PABPC4L: variants seen among roughly 807,000 people sequenced by gnomAD.
The protein encoded by PABPC4L is poly(A) binding protein cytoplasmic 4 like.
For synonymous variants in PABPC4L, 169 were observed against 164.1 expected (o/e 1.03, Z -0.23); for missense variants, 452 against 451.4 (o/e 1.00, Z -0.01).
the PABPC4L span, among the ~76,000 whole-genome samples, chr4:134,000,397 A>G: frequency 6.6e-6 from 1 of 152,164 alleles, no homozygotes; most frequent in Non-Finnish European, 1.5e-5. Flanking sequence ...GTAATAGGAA[A>G]CAGTTACTGG....
At chr4:134,009,231 G>T in the PABPC4L span, among the ~76,000 whole-genome samples, 2 of 151,646 alleles carry the variant, frequency 1.3e-5, no homozygotes, top group Non-Finnish European at 3.0e-5. Flanking sequence ...AGAAATTCAG[G>T]AGCAACTAAA....
the PABPC4L span, among the ~76,000 whole-genome samples, chr4:134,118,211 G>A: frequency 2.0e-5 from 3 of 151,720 alleles, no homozygotes; most frequent in Non-Finnish European, 4.4e-5. Context: ...TTCATAAGTA[G>A]GTTAAAATGC....
the PABPC4L span, among the ~76,000 whole-genome samples, chr4:133,965,988 G>A: frequency 6.6e-6 from 1 of 152,082 alleles, no homozygotes; most frequent in Non-Finnish European, 1.5e-5. Flanking sequence ...TTAAAATAAA[G>A]AGCTTTTGCA....
the PABPC4L span, among the ~76,000 whole-genome samples, chr4:134,009,892 C>T: frequency 1.3e-5 from 2 of 151,998 alleles, no homozygotes; most frequent in East Asian, 3.9e-4. Context: ...GGTATTTGGG[C>T]TGAGTTTGAT....
At chr4:134,163,822 T>A in the PABPC4L span, among the ~76,000 whole-genome samples, 1 of 152,042 alleles carries the variant, frequency 6.6e-6, no homozygotes, top group South Asian at 2.1e-4. Flanking sequence ...CCTCAACAAC[T>A]TAGGTATAGA....
the PABPC4L span, among the ~76,000 whole-genome samples, chr4:134,077,490 AATG>A: frequency 1.3e-5 from 2 of 152,178 alleles, no homozygotes; most frequent in Admixed American, 1.3e-4. Context: ...GCTTAGATAG[AATG>A]ACTGACCTTG....
In PABPC4L at chr4:134,199,959, C is replaced by G; in HGVS notation, c.1061G>C (p.Gly354Ala). The change falls in exon 2 of 2, where the codon GGC (glycine) becomes GCC (alanine). Residue 354 changes from glycine (G) to alanine (A), a missense_variant. Coordinates refer to ENST00000421491, the MANE Select transcript of PABPC4L (RefSeq NM_001114734.2). ...DATKAMTEMN[G>A]RILGSKPLSI... is the part of the protein sequence containing the mutation. ...AAGAGGTTTGGAGCCCAAGATGCGG[C>G]CATTCATCTCAGTCATTGCTTTAGT... The G allele has an allele frequency of 2.6e-6, 4 of 1,551,610 alleles. No homozygotes were observed. The highest frequency in any genetic ancestry group is 3.5e-6 in the Non-Finnish European group (4 of 1,146,954).
At chr4:134,004,647 A>T in the PABPC4L span, among the ~76,000 whole-genome samples, 11 of 151,896 alleles carry the variant, frequency 7.2e-5, no homozygotes, top group Non-Finnish European at 1.5e-4. Flanking sequence ...TATGTTGAGG[A>T]GATAGCTGCA....
the PABPC4L span, among the ~76,000 whole-genome samples, chr4:134,188,905 T>G: frequency 1.3e-5 from 2 of 152,050 alleles, no homozygotes; most frequent in Non-Finnish European, 2.9e-5. Flanking sequence ...CATTCTCTCT[T>G]TCTTCTTCAT....
the PABPC4L span, among the ~76,000 whole-genome samples, chr4:134,167,773 G>T: frequency 8.2e-4 from 125 of 152,006 alleles, 1 homozygote; most frequent in African/African-American, 2.6e-3. Context: ...CAATACTGGA[G>T]CACCCAGATA....
the PABPC4L span, among the ~76,000 whole-genome samples, chr4:134,155,974 T>C: frequency 6.6e-6 from 1 of 151,982 alleles, no homozygotes; most frequent in Non-Finnish European, 1.5e-5. Context: ...GTCTAAGGAA[T>C]GCTAGTATTG....
At chr4:134,091,950 G>C in the PABPC4L span, among the ~76,000 whole-genome samples, 2 of 151,878 alleles carry the variant, frequency 1.3e-5, no homozygotes, top group Non-Finnish European at 2.9e-5. Flanking sequence ...TAATGATCTG[G>C]CTTTATTTTT....
the PABPC4L span, among the ~76,000 whole-genome samples, chr4:134,124,816 T>C: frequency 6.6e-6 from 1 of 152,084 alleles, no homozygotes; most frequent in Non-Finnish European, 1.5e-5. Flanking sequence ...AAGACCTAGC[T>C]GTGAGCACCA....
the PABPC4L span, among the ~76,000 whole-genome samples, chr4:134,126,016 G>A: frequency 1.3e-5 from 2 of 152,236 alleles, no homozygotes; most frequent in East Asian, 3.9e-4. Flanking sequence ...GATGACATTT[G>A]AGTAGACTTC....
At chr4:134,044,904 A>G in the PABPC4L span, among the ~76,000 whole-genome samples, 1 of 152,164 alleles carries the variant, frequency 6.6e-6, no homozygotes, top group African/African-American at 2.4e-5. Context: ...AAAGAACTAA[A>G]GCAATGAGAT....
the PABPC4L span, among the ~76,000 whole-genome samples, chr4:134,076,953 T>C: frequency 1.3e-5 from 2 of 152,278 alleles, no homozygotes; most frequent in South Asian, 4.1e-4. Context: ...CATAAAATAA[T>C]TATATTTCTG....
chr4:133,968,429 G>A, the PABPC4L span, among the ~76,000 whole-genome samples: 2 of 152,286 alleles, frequency 1.3e-5, no homozygotes, highest in African/African-American at 4.8e-5. Flanking sequence ...TAAAATTGGA[G>A]TACAGAACAG....
the PABPC4L span, among the ~76,000 whole-genome samples, chr4:133,964,373 G>A: frequency 6.6e-6 from 1 of 151,418 alleles, no homozygotes; most frequent in Non-Finnish European, 1.5e-5. Flanking sequence ...TGGATTAATA[G>A]CAGAATTCTA....
chr4:134,099,359 C>T, the PABPC4L span, among the ~76,000 whole-genome samples: 1 of 151,538 alleles, frequency 6.6e-6, no homozygotes, highest in Non-Finnish European at 1.5e-5. Context: ...TTTATAACTG[C>T]AGGCTAAGCA....
Sources: gnomAD v4.1 joint callset for allele counts (sites outside exome capture counted in the v4.1 genomes callset) on GRCh38, gnomAD v4.1.1 for gene constraint, MANE v1.5 for transcripts, NCBI Gene and HGNC (gene_info 2026-07-23, HGNC 2026-07-21) for gene names.